PCDH9: variants seen among roughly 807,000 people sequenced by gnomAD.
PCDH9 encodes the protein protocadherin-9.
PCDH9 carries 24 observed loss-of-function variants against 70.6 expected under a neutral mutation model. The ratio of observed to expected loss-of-function variants is 0.34; its 90% CI spans 0.25 to 0.48. PCDH9 has a LOEUF of 0.48. Among genes scored for constraint, PCDH9 ranks in the 20% least tolerant of loss-of-function variants. PCDH9 has a pLI of 0.99. For synonymous variants in PCDH9, 562 were observed against 558.5 expected (o/e 1.01, Z -0.09); for missense variants, 1,281 against 1,503.6 (o/e 0.85, Z 2.45).
At chr13:66,660,175 G>T (rs2077989571) in intron 3 of PCDH9, among the ~76,000 whole-genome samples, 1 of 152,180 alleles carries the variant, frequency 6.6e-6, no homozygotes, top group Non-Finnish European at 1.5e-5. Flanking sequence ...TTCCAGCCTG[G>T]TGAAATGCCG....
chr13:66,425,677 C>T (rs1593959190), intron 4 of PCDH9, among the ~76,000 whole-genome samples: 1 of 151,564 alleles, frequency 6.6e-6, no homozygotes, highest in Non-Finnish European at 1.5e-5. Flanking sequence ...GATAGATGTT[C>T]AGGTCATCAG....
chr13:66,459,639 T>G (rs1958384690), intron 4 of PCDH9, among the ~76,000 whole-genome samples: 1 of 151,978 alleles, frequency 6.6e-6, no homozygotes, highest in Admixed American at 6.6e-5. Context: ...GAAAGTCAGT[T>G]TGAAGATTGC....
At chr13:66,622,823 G>T (rs2146740) in intron 4 of PCDH9, among the ~76,000 whole-genome samples, 149,622 of 152,264 alleles carry the variant, frequency 0.98, 73,561 homozygotes, top group East Asian at 1. Context: ...GAAGCGTTGT[G>T]CTTTCTCTCT....
chr13:67,140,804 G>A (rs1266047458), intron 2 of PCDH9, among the ~76,000 whole-genome samples: 1 of 152,184 alleles, frequency 6.6e-6, no homozygotes, highest in Non-Finnish European at 1.5e-5. Context: ...TATGAGCCAT[G>A]TGCAGCACAT....
At chr13:66,675,315 AT>A (rs1245271524) in intron 3 of PCDH9, among the ~76,000 whole-genome samples, 2 of 152,112 alleles carry the variant, frequency 1.3e-5, no homozygotes, top group African/African-American at 4.8e-5. Flanking sequence ...ATATTTTTTA[AT>A]CGTAAATATC....
At chr13:66,624,345 T>C (rs1337393032) in intron 4 of PCDH9, among the ~76,000 whole-genome samples, 1 of 152,232 alleles carries the variant, frequency 6.6e-6, no homozygotes, top group Non-Finnish European at 1.5e-5. Flanking sequence ...GTAAATATGA[T>C]TTACTGCTAC....
At chr13:66,401,893 A>T (rs1957195216) in intron 4 of PCDH9, among the ~76,000 whole-genome samples, 1 of 152,148 alleles carries the variant, frequency 6.6e-6, no homozygotes, top group Admixed American at 6.6e-5. Context: ...CAGAACTAGC[A>T]TATTTTTCAG....
chr13:66,744,455 G>T (rs952631279), intron 3 of PCDH9, among the ~76,000 whole-genome samples: 26 of 152,110 alleles, frequency 1.7e-4, no homozygotes, highest in African/African-American at 6.3e-4. Flanking sequence ...GAAACTAAAT[G>T]AAAGGTACAC....
chr13:66,330,228 AGCCTGGCACTG>A (rs1955919431), intron 4 of PCDH9, among the ~76,000 whole-genome samples: 1 of 152,226 alleles, frequency 6.6e-6, no homozygotes, highest in East Asian at 1.9e-4. Context: ...CTGGTCCAAT[AGCCTGGCACTG>A]GCTGCTTATT....
Position 67,225,660 on chromosome 13 carries a change from T to C in PCDH9, c.2781A>G (p.Thr927=). 1 of 1,614,102 alleles carries C rather than the reference T, an allele frequency of 6.2e-7. No homozygotes were observed. The highest frequency in any genetic ancestry group is 8.5e-7 in the Non-Finnish European group (1 of 1,180,022). Residue 927 remains threonine (T), a synonymous_variant, in exon 2 of 5, where the codon ACA becomes ACG. Coordinates refer to ENST00000377865, the MANE Select transcript of PCDH9 (RefSeq NM_203487.3). ...CCAGGTCAGGACTGTTAGGCTTGAA[T>C]GTTGTTGGAGGTGCCGGGCCCCAGT... is the stretch of plus-strand genomic sequence containing the variant. ...RFDWGPAPPT[T]FKPNSPDLAK...
intron 4 of PCDH9, among the ~76,000 whole-genome samples, chr13:66,617,250 T>A (rs1454510812): frequency 1.3e-5 from 2 of 152,110 alleles, no homozygotes; most frequent in South Asian, 4.1e-4. Flanking sequence ...AATGCAAGGA[T>A]GGAAGATGGA....
intron 3 of PCDH9, among the ~76,000 whole-genome samples, chr13:66,754,076 T>A (rs1255118782): frequency 2.0e-5 from 3 of 152,182 alleles, no homozygotes; most frequent in Admixed American, 6.6e-5. Flanking sequence ...TTCATTAAAT[T>A]ATTTCTTGAC....
chr13:66,862,868 T>C (rs1189768307), intron 3 of PCDH9, among the ~76,000 whole-genome samples: 1 of 152,156 alleles, frequency 6.6e-6, no homozygotes, highest in Non-Finnish European at 1.5e-5. Context: ...GCATAATTTT[T>C]TTTAATAACA....
chr13:66,508,097 A>C (rs1959272255), intron 4 of PCDH9, among the ~76,000 whole-genome samples: 1 of 152,200 alleles, frequency 6.6e-6, no homozygotes, highest in Non-Finnish European at 1.5e-5. Context: ...AGTTGTCATA[A>C]GGATCAAATT....
At chr13:67,074,452 C>T (rs966397019) in intron 2 of PCDH9, among the ~76,000 whole-genome samples, 7 of 152,204 alleles carry the variant, frequency 4.6e-5, no homozygotes, top group South Asian at 2.1e-4. Flanking sequence ...ACCTGCTCTA[C>T]GGTATTTTTG....
intron 2 of PCDH9, among the ~76,000 whole-genome samples, chr13:67,183,373 G>T (rs1040945528): frequency 1.3e-5 from 2 of 152,158 alleles, no homozygotes; most frequent in African/African-American, 4.8e-5. Context: ...TCCCTTTCAA[G>T]TTCCTGCATT....
intron 2 of PCDH9, among the ~76,000 whole-genome samples, chr13:66,986,018 A>G (rs989155657): frequency 9.2e-5 from 14 of 152,132 alleles, no homozygotes; most frequent in Middle Eastern, 3.4e-3. Context: ...ATGCTACTAT[A>G]AAGAGCTGCC....
intron 2 of PCDH9, among the ~76,000 whole-genome samples, chr13:66,954,745 C>T (rs1028683120): frequency 6.6e-6 from 1 of 152,084 alleles, no homozygotes; most frequent in Non-Finnish European, 1.5e-5. Flanking sequence ...ACTTGCTCTT[C>T]CTGAGATAGA....
chr13:67,112,992 T>C (rs1566432828), intron 2 of PCDH9, among the ~76,000 whole-genome samples: 1 of 152,192 alleles, frequency 6.6e-6, no homozygotes, highest in Non-Finnish European at 1.5e-5. Context: ...TGTCTAAGGC[T>C]TTTGCAAGAT....
Sources: allele counts gnomAD v4.1 joint callset (sites outside exome capture counted in the v4.1 genomes callset), GRCh38; gene constraint gnomAD v4.1.1; transcripts MANE v1.5; gene names NCBI Gene and HGNC (gene_info 2026-07-23, HGNC 2026-07-21).